FILIP1: variants seen among roughly 807,000 people sequenced by gnomAD.
FILIP1 encodes the protein filamin-A-interacting protein 1.
Under a neutral mutation model 102.1 loss-of-function variants are expected in FILIP1, and 61 were observed. The observed-to-expected ratio is 0.60, with a 90% CI of 0.49 to 0.74. FILIP1 has a LOEUF of 0.74. FILIP1 is among the 30% of genes least tolerant of loss of function. The pLI is 0.00. For missense variants in FILIP1, 1,314 were observed against 1,441.2 expected (o/e 0.91, Z 1.43); for synonymous variants, 491 against 526.9 (o/e 0.93, Z 0.93).
intron 4 of FILIP1, chr6:75,319,306 G>A (rs1300357087): frequency 1.5e-6 from 1 of 658,082 alleles, no homozygotes; most frequent in African/African-American, 1.8e-5. Flanking sequence ...CCAATGGGCA[G>A]GCCAGGATGT....
chr6:75,333,704 T>A (rs1329280454), intron 4 of FILIP1, among the ~76,000 whole-genome samples: 2 of 152,180 alleles, frequency 1.3e-5, no homozygotes, highest in African/African-American at 4.8e-5. Flanking sequence ...ACTATAAAAA[T>A]TTGGTTTTGG....
intron 2 of FILIP1, among the ~76,000 whole-genome samples, chr6:75,413,553 A>G (rs538707715): frequency 6.6e-6 from 1 of 152,180 alleles, no homozygotes; most frequent in South Asian, 2.1e-4. Flanking sequence ...GTATGCACAC[A>G]CAGATGATAA....
intron 1 of FILIP1, among the ~76,000 whole-genome samples, chr6:75,483,572 G>T (rs753887625): frequency 3.7e-4 from 56 of 152,186 alleles, no homozygotes; most frequent in Non-Finnish European, 6.2e-4. Context: ...AGTCATGAGG[G>T]GAAATAGAGC....
chr6:75,445,229 T>C (rs1198155630), intron 1 of FILIP1, among the ~76,000 whole-genome samples: 3 of 152,188 alleles, frequency 2.0e-5, no homozygotes, highest in Non-Finnish European at 4.4e-5. Flanking sequence ...CTCAAGATTC[T>C]TGAGTCATTT....
intron 4 of FILIP1, among the ~76,000 whole-genome samples, chr6:75,330,788 C>T (rs1020834943): frequency 6.6e-6 from 1 of 151,966 alleles, no homozygotes; most frequent in Non-Finnish European, 1.5e-5. Flanking sequence ...CATCAGATTT[C>T]GAGGGGGTTA....
rs544941614 is a variant in FILIP1, at chr6:75,473,191, A to G, written c.-7+20223T>C. On this transcript the variant is annotated intron_variant, in intron 1 of 5. Coordinates refer to ENST00000237172, the MANE Select transcript of FILIP1 (RefSeq NM_015687.5). ...TCTTGAGGAAGGATCATTTACTTTG[A>G]TACCTCAAAGTGCTTATTTATGACA... Among the ~76,000 whole-genome samples the G allele has an allele frequency of 9.4e-4, 143 of 152,306 alleles. 2 individuals are homozygous for G. The South Asian group carries it at 0.024, about 26-fold the overall frequency.
chr6:75,326,499 A>T (rs1773869554), intron 4 of FILIP1, among the ~76,000 whole-genome samples: 1 of 152,166 alleles, frequency 6.6e-6, no homozygotes, highest in African/African-American at 2.4e-5. Flanking sequence ...GTTCCCCAAA[A>T]ACTATTAAAA....
At chr6:75,295,081 T>G (rs926660234) in exon 7 of FILIP1, 1 of 152,022 alleles carries the variant, frequency 6.6e-6, no homozygotes, top group East Asian at 1.9e-4. Context: ...TTGTGAGAAC[T>G]ATCTTTATTT....
intron 1 of FILIP1, among the ~76,000 whole-genome samples, chr6:75,440,635 C>T (rs984463060): frequency 2.0e-5 from 3 of 152,150 alleles, no homozygotes; most frequent in Non-Finnish European, 4.4e-5. Context: ...CCACGCTGGT[C>T]TTTGACTCCA....
chr6:75,368,383 C>T (rs765114458), intron 2 of FILIP1, among the ~76,000 whole-genome samples: 4 of 152,118 alleles, frequency 2.6e-5, no homozygotes, highest in African/African-American at 4.8e-5. Context: ...AAAAGAGGGC[C>T]GAATCCAATC....
intron 2 of FILIP1, among the ~76,000 whole-genome samples, chr6:75,395,420 C>T (rs1387829890): frequency 6.6e-6 from 1 of 152,116 alleles, no homozygotes; most frequent in Non-Finnish European, 1.5e-5. Context: ...ACTGGGATTA[C>T]AGGCACCCGC....
intron 4 of FILIP1, among the ~76,000 whole-genome samples, chr6:75,337,121 T>C (rs985799284): frequency 1.1e-4 from 16 of 152,180 alleles, no homozygotes; most frequent in Admixed American, 9.2e-4. Context: ...ATATACAACC[T>C]TTCTTCAACT....
chr6:75,342,250 G>T (rs1043385501), intron 4 of FILIP1, among the ~76,000 whole-genome samples: 2 of 152,196 alleles, frequency 1.3e-5, no homozygotes, highest in Non-Finnish European at 2.9e-5. Context: ...GACTGCAGTT[G>T]AAGAGGTAAA....
chr6:75,301,999 C>G (rs1772850943), intron 6 of FILIP1, among the ~76,000 whole-genome samples: 1 of 152,108 alleles, frequency 6.6e-6, no homozygotes, highest in Non-Finnish European at 1.5e-5. Context: ...GAGACAAACC[C>G]CTGAAACTTT....
chr6:75,340,157 C>A (rs1407260061), intron 4 of FILIP1, among the ~76,000 whole-genome samples: 1 of 151,896 alleles, frequency 6.6e-6, no homozygotes, highest in East Asian at 1.9e-4. Context: ...CATAATATTG[C>A]TTTTTAGAAT....
chr6:75,469,880 G>A (rs897953646), intron 1 of FILIP1, among the ~76,000 whole-genome samples: 6 of 152,010 alleles, frequency 3.9e-5, no homozygotes, highest in Non-Finnish European at 5.9e-5. Flanking sequence ...TGATACACTC[G>A]TGTGTGCATC....
chr6:75,451,514 C>G (rs568242615), intron 1 of FILIP1, among the ~76,000 whole-genome samples: 23 of 151,938 alleles, frequency 1.5e-4, no homozygotes, highest in African/African-American at 5.5e-4. Context: ...TATGGCAAAA[C>G]AACAATAAAA....
intron 5 of FILIP1, among the ~76,000 whole-genome samples, chr6:75,311,519 T>G (rs1380245315): frequency 6.9e-6 from 1 of 145,164 alleles, no homozygotes; most frequent in African/African-American, 2.6e-5. Context: ...TTGTTTGAGA[T>G]GGAGTCTTGC....
intron 2 of FILIP1, chr6:75,384,958 C>T (rs1471244169): frequency 7.2e-6 from 1 of 139,666 alleles, no homozygotes; most frequent in Non-Finnish European, 1.5e-5. Context: ...CCATGCCCAG[C>T]TATTTTTTTT....
Sources: allele counts gnomAD v4.1 joint callset (sites outside exome capture counted in the v4.1 genomes callset), GRCh38; gene constraint gnomAD v4.1.1; transcripts MANE v1.5; gene names NCBI Gene and HGNC (gene_info 2026-07-23, HGNC 2026-07-21).